The following FERMT2 variants were observed in gnomAD, a reference collection of about 807,000 sequenced individuals.
FERMT2 encodes fermitin family homolog 2.
In FERMT2, 15 loss-of-function variants were observed where a neutral mutation model predicts 82.7. The observed-to-expected ratio is 0.18, with a 90% CI of 0.12 to 0.28. The LOEUF (loss-of-function observed/expected upper bound fraction) is 0.28. Ranked by LOEUF, FERMT2 falls within the 10% of genes least tolerant of loss-of-function variation. FERMT2 has a pLI of 1.00. For missense variants in FERMT2, 645 were observed against 809.4 expected (o/e 0.80, Z 2.46); for synonymous variants, 274 against 271.5 (o/e 1.01, Z -0.09).
chr14:52,927,538 T>C (rs536463586), intron 2 of FERMT2, among the ~76,000 whole-genome samples: 2 of 139,302 alleles, frequency 1.4e-5, no homozygotes, highest in East Asian at 4.2e-4. Flanking sequence ...GGTGGGTGGC[T>C]TGAGCCGAAG....
intron 3 of FERMT2, among the ~76,000 whole-genome samples, chr14:52,909,093 G>T (rs1230805216): frequency 6.6e-6 from 1 of 152,192 alleles, no homozygotes; most frequent in Non-Finnish European, 1.5e-5. Flanking sequence ...CTTCTGGGAT[G>T]TTCTGCTTTG....
chr14:52,940,373 A>C (rs1890036646), intron 2 of FERMT2, among the ~76,000 whole-genome samples: 1 of 152,232 alleles, frequency 6.6e-6, no homozygotes, highest in Non-Finnish European at 1.5e-5. Context: ...AAGTTGAGAG[A>C]AAATACCATA....
intron 3 of FERMT2, among the ~76,000 whole-genome samples, 158 bp downstream of exon 3, chr14:52,918,965 T>C (rs901293471): frequency 1.3e-5 from 2 of 152,136 alleles, no homozygotes; most frequent in African/African-American, 4.8e-5. Context: ...CCAGCATTTA[T>C]CTTAATATAA....
intron 3 of FERMT2, among the ~76,000 whole-genome samples, chr14:52,898,513 G>C (rs1887431852): frequency 6.6e-6 from 1 of 152,138 alleles, no homozygotes; most frequent in Admixed American, 6.6e-5. Flanking sequence ...TAATACAACT[G>C]CATCATTACT....
chr14:52,935,826 T>C (rs1319764343), intron 2 of FERMT2, among the ~76,000 whole-genome samples: 3 of 152,230 alleles, frequency 2.0e-5, no homozygotes, highest in African/African-American at 7.2e-5. Context: ...ACAAATAGCC[T>C]TTTGAAGTTA....
intron 3 of FERMT2, among the ~76,000 whole-genome samples, chr14:52,906,300 G>A (rs1888008769): frequency 6.6e-6 from 1 of 152,208 alleles, no homozygotes; most frequent in Non-Finnish European, 1.5e-5. Context: ...AAGAGTTAAT[G>A]TTCCTGTCAA....
At chr14:52,944,293 A>T (rs1890223914) in intron 2 of FERMT2, among the ~76,000 whole-genome samples, 1 of 152,232 alleles carries the variant, frequency 6.6e-6, no homozygotes, top group South Asian at 2.1e-4. Context: ...GATTTAAAAA[A>T]ATTTCTTATA....
At chr14:52,871,833 A>T (rs1885641009) in intron 10 of FERMT2, 1 of 152,386 alleles carries the variant, frequency 6.6e-6, no homozygotes, top group Admixed American at 6.5e-5. Flanking sequence ...TAGTTCTGAG[A>T]TAGCTTTGGA....
At chr14:52,899,283 T>C (rs543585916) in intron 3 of FERMT2, among the ~76,000 whole-genome samples, 196 of 146,188 alleles carry the variant, frequency 1.3e-3, no homozygotes, top group African/African-American at 4.9e-3. Context: ...TTCCAGCTTT[T>C]ATTTATTTAT....
At chr14:52,935,649 G>C (rs150446312) in intron 2 of FERMT2, among the ~76,000 whole-genome samples, 1 of 152,154 alleles carries the variant, frequency 6.6e-6, no homozygotes, top group African/African-American at 2.4e-5. Context: ...TGAGAAATAA[G>C]TGCTTACTGT....
chr14:52,863,875 T>C (rs965277227), intron 12 of FERMT2, among the ~76,000 whole-genome samples: 3 of 152,206 alleles, frequency 2.0e-5, no homozygotes, highest in East Asian at 3.8e-4. Flanking sequence ...ACACAAAGCA[T>C]TGAGACCATA....
chr14:52,864,692 T>C, intron 11 of FERMT2, 55 bp downstream of exon 11: 1 of 1,570,152 alleles, frequency 6.4e-7, no homozygotes, highest in Non-Finnish European at 8.8e-7. Flanking sequence ...AATATAAGGA[T>C]GACTGGTCAA....
chr14:52,872,346 C>G (rs1394206252), intron 10 of FERMT2: 1 of 157,322 alleles, frequency 6.4e-6, no homozygotes, highest in East Asian at 1.9e-4. Context: ...AATTGAGGCC[C>G]GGAGTTCGAG....
intron 7 of FERMT2, among the ~76,000 whole-genome samples, chr14:52,878,072 T>C (rs528395127): frequency 9.2e-5 from 14 of 152,266 alleles, no homozygotes; most frequent in African/African-American, 3.4e-4. Context: ...AAGGACAATG[T>C]TAGCTATCTA....
At chr14:52,915,958 T>G (rs773751179) in intron 3 of FERMT2, among the ~76,000 whole-genome samples, 7 of 152,242 alleles carry the variant, frequency 4.6e-5, no homozygotes, top group Non-Finnish European at 1.0e-4. Flanking sequence ...TTACAGCAGC[T>G]TTATTCAAAA....
chr14:52,900,912 T>C (rs1297784001), intron 3 of FERMT2, among the ~76,000 whole-genome samples: 1 of 151,916 alleles, frequency 6.6e-6, no homozygotes, highest in Non-Finnish European at 1.5e-5. Flanking sequence ...CTAAATACCT[T>C]ACAGAGGGAT....
intron 4 of FERMT2, among the ~76,000 whole-genome samples, chr14:52,882,938 C>T (rs1886374372): frequency 6.6e-6 from 1 of 152,142 alleles, no homozygotes; most frequent in Admixed American, 6.6e-5. Flanking sequence ...TGGCTCACTC[C>T]TGTAATCTCA....
At chr14:52,888,454 G>A (rs568209396) in intron 4 of FERMT2, among the ~76,000 whole-genome samples, 1 of 152,238 alleles carries the variant, frequency 6.6e-6, no homozygotes, top group South Asian at 2.1e-4. Flanking sequence ...TTATCACCAA[G>A]CTGAAGGGAA....
chr14:52,951,008 T>G lies in FERMT2; in HGVS notation c.-97A>C. ...GCGGGGCGGCGGTGTCCGCGTCCGG[T>G]TCCTCGGCTGGCGAAGCGCTGCCTG... On this transcript the variant is annotated 5_prime_UTR_variant, in exon 1 of 15. Coordinates refer to ENST00000341590, the MANE Select transcript of FERMT2 (RefSeq NM_006832.3). The G allele has an allele frequency of 6.6e-6, 1 of 150,678 alleles. No homozygotes were observed. Among genetic ancestry groups the G allele is most frequent in the Non-Finnish European group, 1.5e-5 (1 of 68,226 alleles). The allele number at this position is 150,678 out of a possible 1,614,324, so 9.3% of individuals were successfully genotyped here.
Sources: gnomAD v4.1 joint callset for allele counts (sites outside exome capture counted in the v4.1 genomes callset) on GRCh38, gnomAD v4.1.1 for gene constraint, MANE v1.5 for transcripts, NCBI Gene and HGNC (gene_info 2026-07-23, HGNC 2026-07-21) for gene names.